ADCY8: variants seen among roughly 807,000 people sequenced by gnomAD.
The protein encoded by ADCY8 is adenylate cyclase type 8.
In ADCY8, 51 loss-of-function variants were observed where a neutral mutation model predicts 119.7. That is an observed-to-expected ratio of 0.43 (90% confidence interval 0.34 to 0.54). The LOEUF (loss-of-function observed/expected upper bound fraction) is 0.54. Among genes scored for constraint, ADCY8 ranks in the 20% least tolerant of loss-of-function variants. The pLI is 0.03. For missense variants in ADCY8, 1,383 were observed against 1,598.8 expected, an observed-to-expected ratio of 0.87 and a Z score of 2.30; for synonymous variants, 665 against 651.0, an observed-to-expected ratio of 1.02 and a Z score of -0.33.
chr8:130,928,784 T>TACCAAAGCCAGAGACCA (rs1244603759), intron 5 of ADCY8, among the ~76,000 whole-genome samples: 4 of 152,234 alleles, frequency 2.6e-5, no homozygotes, highest in African/African-American at 9.6e-5. Flanking sequence ...CTGGCTTTGG[T>TACCAAAGCCAGAGACCA]CTCTGGATGA....
intron 7 of ADCY8, among the ~76,000 whole-genome samples, chr8:130,896,361 A>C (rs1392673984): frequency 2.0e-5 from 3 of 152,186 alleles, no homozygotes; most frequent in Admixed American, 1.3e-4. Flanking sequence ...AAGCATCTTG[A>C]TAGGATTGCC....
At chr8:131,034,472 TAA>T (rs1201122068) in intron 1 of ADCY8, among the ~76,000 whole-genome samples, 1 of 152,088 alleles carries the variant, frequency 6.6e-6, no homozygotes, top group Non-Finnish European at 1.5e-5. Context: ...AAATTTCCCC[TAA>T]AGGATTTCTT....
At chr8:130,946,170 T>C (rs1821100505) in intron 3 of ADCY8, among the ~76,000 whole-genome samples, 1 of 152,214 alleles carries the variant, frequency 6.6e-6, no homozygotes, top group Admixed American at 6.5e-5. Flanking sequence ...ATTTATTCAT[T>C]CAACAGCTTA....
intron 1 of ADCY8, among the ~76,000 whole-genome samples, chr8:131,014,579 A>C (rs567018871): frequency 6.6e-6 from 1 of 152,206 alleles, no homozygotes; most frequent in African/African-American, 2.4e-5. Flanking sequence ...AACACAGGAT[A>C]AAATGAGGCC....
At chr8:130,924,375 C>T (rs138843024) in intron 5 of ADCY8, among the ~76,000 whole-genome samples, 38 of 152,300 alleles carry the variant, frequency 2.5e-4, no homozygotes, top group African/African-American at 5.1e-4. Flanking sequence ...ACCTCTGGCT[C>T]ATTCCCCTGG....
chr8:131,040,311 C>A lies in ADCY8; in HGVS notation c.23G>T (p.Cys8Phe). 1 of 1,537,610 alleles carries A rather than the reference C, an allele frequency of 6.5e-7. No individual in the cohort carries two copies. The highest frequency in any genetic ancestry group is 2.3e-5 in the East Asian group (1 of 42,786). Residue 8 changes from cysteine (C) to phenylalanine (F), a missense_variant, in exon 1 of 18, where the codon TGC (cysteine) becomes TTC (phenylalanine). Cys to Phe is a radical substitution (Grantham distance 205, BLOSUM62 -2). Around this residue, in one of 2 missense-constraint regions of ADCY8, gnomAD observed 455 missense variants for 435.3 expected, o/e 1.05. Coordinates refer to ENST00000286355, the MANE Select transcript of ADCY8 (RefSeq NM_001115.3). ...GTAGAGTTCCTCGCTGCCTGTAAGGCAGCGCACATCGGAGAGCTCCATGGC... is the reference window on the plus strand; with the variant it reads ...GTAGAGTTCCTCGCTGCCTGTAAGGAAGCGCACATCGGAGAGCTCCATGGC... MELSDVR[C>F]LTGSEELYTI...
At chr8:130,967,463 G>A (rs929141465) in intron 2 of ADCY8, among the ~76,000 whole-genome samples, 4 of 152,204 alleles carry the variant, frequency 2.6e-5, no homozygotes, top group Non-Finnish European at 5.9e-5. Flanking sequence ...CATCTACAGA[G>A]TGAGAACAAT....
At chr8:130,900,063 T>G (rs568198314) in intron 7 of ADCY8, among the ~76,000 whole-genome samples, 43 of 152,296 alleles carry the variant, frequency 2.8e-4, no homozygotes, top group African/African-American at 9.9e-4. Context: ...ATGGGGAGTC[T>G]CACTGGGATC....
At chr8:130,940,311 C>T (rs1820919108) in intron 4 of ADCY8, among the ~76,000 whole-genome samples, 1 of 152,098 alleles carries the variant, frequency 6.6e-6, no homozygotes, top group African/African-American at 2.4e-5. Context: ...GGTCTCCTGA[C>T]AAAAGTGTGT....
chr8:130,949,725 C>T (rs559813106), intron 3 of ADCY8: 25 of 152,334 alleles, frequency 1.6e-4, no homozygotes, highest in African/African-American at 6.0e-4. Flanking sequence ...ACCTCCTTGC[C>T]CCAGGTTTTC....
In ADCY8 at chr8:131,040,630, G is replaced by C. The variant is rs1252923953; in HGVS notation, c.-297C>G. The C allele has an allele frequency of 3.4e-6, 1 of 294,572 alleles. No individual in the cohort carries two copies. Among genetic ancestry groups the C allele is most frequent in the Non-Finnish European group, 6.2e-6 (1 of 160,936 alleles). 18.2% of individuals were successfully genotyped at this position (294,572 alleles called of 1,614,324 possible). On this transcript the variant is annotated 5_prime_UTR_variant, in exon 1 of 18. Transcript: ENST00000286355. Reference sequence around the variant, plus strand: ...GCTATTTGTCCTCAGGAGCCGCAGCGCTGTGAGCCACGCAGCCCCTTCCTG... The same window carrying C: ...GCTATTTGTCCTCAGGAGCCGCAGCCCTGTGAGCCACGCAGCCCCTTCCTG...
intron 9 of ADCY8, among the ~76,000 whole-genome samples, chr8:130,860,227 C>G (rs1015649620): frequency 6.6e-6 from 1 of 152,050 alleles, no homozygotes; most frequent in East Asian, 1.9e-4. Flanking sequence ...TTGTTTAAAT[C>G]TTTTGTCCAT....
At chr8:130,934,069 C>T (rs1212477431) in intron 5 of ADCY8, among the ~76,000 whole-genome samples, 10 of 152,164 alleles carry the variant, frequency 6.6e-5, no homozygotes, top group Admixed American at 1.3e-4. Context: ...TAGCCCAGTT[C>T]CTGACACATA....
chr8:130,992,394 TATATA>T (rs1822612737), intron 1 of ADCY8, among the ~76,000 whole-genome samples: 35 of 117,814 alleles, frequency 3.0e-4, no homozygotes, highest in African/African-American at 1.4e-3. Flanking sequence ...TATATATATA[TATATA>T]TATATATATA....
intron 1 of ADCY8, among the ~76,000 whole-genome samples, chr8:131,004,979 G>A (rs1027092418): frequency 4.6e-5 from 7 of 152,126 alleles, no homozygotes; most frequent in African/African-American, 1.4e-4. Context: ...GTCTATTTTA[G>A]TTTTTAACTT....
At chr8:131,004,466 T>C (rs997696392) in intron 1 of ADCY8, among the ~76,000 whole-genome samples, 2 of 152,202 alleles carry the variant, frequency 1.3e-5, no homozygotes, top group East Asian at 3.8e-4. Flanking sequence ...AGCCTCATCT[T>C]GGTCAATCAC....
chr8:130,878,631 C>A (rs1408704247), intron 8 of ADCY8, among the ~76,000 whole-genome samples: 1 of 152,152 alleles, frequency 6.6e-6, no homozygotes, highest in Non-Finnish European at 1.5e-5. Context: ...GGTCTTCTTG[C>A]AAAATCAGAA....
At chr8:130,941,900 TA>T (rs1339465424) in intron 4 of ADCY8, among the ~76,000 whole-genome samples, 1 of 152,236 alleles carries the variant, frequency 6.6e-6, no homozygotes, top group African/African-American at 2.4e-5. Flanking sequence ...ATAAATTATG[TA>T]TAATAAAATC....
intron 14 of ADCY8, among the ~76,000 whole-genome samples, chr8:130,811,539 G>T (rs1482101099): frequency 6.6e-6 from 1 of 152,204 alleles, no homozygotes; most frequent in African/African-American, 2.4e-5. Flanking sequence ...GTTTAGCTCA[G>T]TCTGAAAATC....
Sources: gnomAD v4.1 joint callset for allele counts (sites outside exome capture counted in the v4.1 genomes callset) on GRCh38, gnomAD v4.1.1 for gene constraint, gnomAD v4.1.1 regional missense constraint, MANE v1.5 for transcripts, NCBI Gene and HGNC (gene_info 2026-07-23, HGNC 2026-07-21) for gene names.